CFAP91: variants seen among roughly 807,000 people sequenced by gnomAD.
CFAP91 encodes the protein cilia- and flagella-associated protein 91.
A neutral mutation model predicts 95.9 loss-of-function variants in CFAP91; 85 were observed. The observed-to-expected ratio is 0.89, with a 90% CI of 0.74 to 1.06. CFAP91 has a LOEUF of 1.06. CFAP91 is among the 50% of genes least tolerant of loss of function. CFAP91 has a pLI of 0.00. For missense variants in CFAP91, 962 were observed against 943.4 expected (o/e 1.02, Z -0.26); for synonymous variants, 335 against 327.5 (o/e 1.02, Z -0.25).
At chr3:119,744,334 CACTGTGGGAA>C (rs1233410890) in intron 14 of CFAP91, 138 bp downstream of exon 14, 1 of 643,222 alleles carries the variant, frequency 1.6e-6, no homozygotes, top group Non-Finnish European at 2.6e-6. Flanking sequence ...TCTACAGAGG[CACTGTGGGAA>C]ACTTTGGAGG....
intron 10 of CFAP91, 152 bp from the exon 11 acceptor site, chr3:119,737,214 G>A: frequency 4.0e-6 from 2 of 498,750 alleles, no homozygotes; most frequent in Non-Finnish European, 7.2e-6. Context: ...GAAAATATAG[G>A]GTACAATATA....
At chr3:119,708,863 A>G (rs1386708863) in intron 4 of CFAP91, among the ~76,000 whole-genome samples, 189 bp downstream of exon 4, 1 of 152,224 alleles carries the variant, frequency 6.6e-6, no homozygotes, top group African/African-American at 2.4e-5. Flanking sequence ...CTGTTTTACC[A>G]GTAATGAAGC....
At chr3:119,755,868 T>G (rs975886681) in intron 17 of CFAP91, among the ~76,000 whole-genome samples, 4 of 152,118 alleles carry the variant, frequency 2.6e-5, no homozygotes, top group African/African-American at 9.7e-5. Flanking sequence ...TCCTGAGAGA[T>G]ATTTAGAAAG....
chr3:119,728,322 A>G (rs2053825954), intron 7 of CFAP91, among the ~76,000 whole-genome samples: 1 of 152,198 alleles, frequency 6.6e-6, no homozygotes, highest in Non-Finnish European at 1.5e-5. Context: ...TGAGGTGATC[A>G]GGCCCCATCC....
Position 119,741,791 on chromosome 3 carries a change from G to A in CFAP91, c.1680+1096G>A, listed in dbSNP as rs188272902. 7.1e-4 allele frequency among the ~76,000 whole-genome samples: 108 copies of A among 152,310 alleles called. 2 individuals are homozygous for A. Among genetic ancestry groups the A allele is most frequent in the Middle Eastern group, 6.8e-3 (2 of 294 alleles). On this transcript the variant is annotated intron_variant, in intron 13 of 17. Transcript: ENST00000273390. ...GTTATGTGGGAGTCGGGCACAAATG[G>A]TAAGCAGCCTGGAAATGACCACAAC... is the stretch of plus-strand genomic sequence containing the variant.
intron 7 of CFAP91, among the ~76,000 whole-genome samples, chr3:119,729,793 A>T (rs1214014378): frequency 6.6e-6 from 1 of 152,362 alleles, no homozygotes; most frequent in East Asian, 1.9e-4. Flanking sequence ...TTGAGTACCT[A>T]TTATATGCCA....
At position 119,715,754 on chromosome 3, in the gene CFAP91, A is replaced by C. The variant is rs756744214; in HGVS notation, c.682+11A>C. ...CTACGCTTACTTGGGGTGAGTTGGT[A>C]AATCTCCTGACTATTGGCAGATGAC... On this transcript the variant is annotated intron_variant, in intron 6 of 17. Coordinates refer to ENST00000273390, the MANE Select transcript of CFAP91 (RefSeq NM_033364.4). The C allele has an allele frequency of 6.2e-7, 1 of 1,612,012 alleles. No homozygotes were observed. The highest frequency in any genetic ancestry group is 8.5e-7 in the Non-Finnish European group (1 of 1,178,184).
At chr3:119,720,551 G>C (rs1485178728) in intron 6 of CFAP91, among the ~76,000 whole-genome samples, 1 of 152,060 alleles carries the variant, frequency 6.6e-6, no homozygotes, top group Non-Finnish European at 1.5e-5. Context: ...TCTTTTAAGA[G>C]CACCAGGCCT....
At chr3:119,760,808 T>TAA (rs978469852) in intron 17 of CFAP91, among the ~76,000 whole-genome samples, 1 of 145,634 alleles carries the variant, frequency 6.9e-6, no homozygotes, top group Non-Finnish European at 1.5e-5. Context: ...AAAGGGAAAT[T>TAA]AAAAAAAAAA....
chr3:119,744,169 G>T lies in CFAP91; in HGVS notation c.1875G>T (p.Leu625=), dbSNP rs752361944. 6.2e-7 allele frequency: 1 copy of T among 1,613,556 alleles called. No individual in the cohort carries two copies. Among genetic ancestry groups the T allele is most frequent in the South Asian group, 1.1e-5 (1 of 91,052 alleles). The change falls in exon 14 of 18, where the codon CTG becomes CTT. Residue 625 remains leucine (L), a synonymous_variant. Coordinates refer to ENST00000273390, the MANE Select transcript of CFAP91 (RefSeq NM_033364.4). ...GGCGCCAGGTGGAAAAACAGCGCCTGCGGGAGGAGGACGAGATATTTAAGG... is the reference window on the plus strand; with the variant it reads ...GGCGCCAGGTGGAAAAACAGCGCCTTCGGGAGGAGGACGAGATATTTAAGG... ...SGRRQVEKQR[L]REEDEIFKEV... is the part of the protein sequence containing the mutation.
At chr3:119,757,014 A>G (rs963447067) in intron 17 of CFAP91, among the ~76,000 whole-genome samples, 1 of 152,226 alleles carries the variant, frequency 6.6e-6, no homozygotes, top group Non-Finnish European at 1.5e-5. Context: ...AAGCCTATAT[A>G]AAATCTAAAT....
At chr3:119,756,418 T>A (rs2054429353) in intron 17 of CFAP91, among the ~76,000 whole-genome samples, 1 of 152,278 alleles carries the variant, frequency 6.6e-6, no homozygotes, top group East Asian at 1.9e-4. Context: ...AATTTGTCAC[T>A]AGGAGATCTG....
In CFAP91 at chr3:119,765,940, CAAAA is replaced by C. The variant is rs758175924; in HGVS notation, c.*892_*895del. On this transcript the variant is annotated 3_prime_UTR_variant, in exon 18 of 18. Transcript: ENST00000273390. ...TTTGCTGAGTGTTTTTAATAGGAGT[CAAAA>C]AGAAAGGGTCTTTTCAGAAACTGAA... 2 of 151,924 alleles carry C rather than the reference CAAAA, an allele frequency of 1.3e-5. No homozygotes were observed. Among genetic ancestry groups the C allele is most frequent in the Admixed American group, 6.6e-5 (1 of 15,254 alleles). The allele number at this position is 151,924 out of a possible 1,614,324, so 9.4% of individuals were successfully genotyped here.
chr3:119,736,324 G>C (rs546266056), intron 10 of CFAP91, among the ~76,000 whole-genome samples: 1 of 146,880 alleles, frequency 6.8e-6, no homozygotes, highest in African/African-American at 2.5e-5. Flanking sequence ...CAGGCTGGAG[G>C]GCAGTGGTGC....
chr3:119,736,946 C>T (rs558246089), intron 10 of CFAP91, among the ~76,000 whole-genome samples: 2 of 152,246 alleles, frequency 1.3e-5, no homozygotes, highest in Admixed American at 1.3e-4. Context: ...AGGTGATTCT[C>T]CTGCCTCAGC....
intron 17 of CFAP91, among the ~76,000 whole-genome samples, chr3:119,754,658 G>A (rs914282573): frequency 1.3e-5 from 2 of 152,214 alleles, no homozygotes; most frequent in Admixed American, 1.3e-4. Flanking sequence ...TGATTCCACA[G>A]GAGATCCAGA....
intron 16 of CFAP91, among the ~76,000 whole-genome samples, chr3:119,749,902 C>T (rs1219815698): frequency 6.6e-6 from 1 of 152,188 alleles, no homozygotes; most frequent in African/African-American, 2.4e-5. Context: ...ATTTTAAATG[C>T]ATGCTAAGTT....
intron 16 of CFAP91, 45 bp downstream of exon 16, chr3:119,747,947 A>G: frequency 7.0e-7 from 1 of 1,426,446 alleles, no homozygotes; most frequent in Non-Finnish European, 9.8e-7. Flanking sequence ...TTAAAGATGT[A>G]AATTATTTTC....
At chr3:119,706,923 C>T in intron 2 of CFAP91, 38 bp downstream of exon 2, 1 of 1,490,082 alleles carries the variant, frequency 6.7e-7, no homozygotes, top group Non-Finnish European at 9.4e-7. Flanking sequence ...CCTGATGAAC[C>T]TGAACCATCT....
Sources: allele counts gnomAD v4.1 joint callset (sites outside exome capture counted in the v4.1 genomes callset), GRCh38; gene constraint gnomAD v4.1.1; transcripts MANE v1.5; gene names NCBI Gene and HGNC (gene_info 2026-07-23, HGNC 2026-07-21).